Variants in DHX29 observed in about 807,000 individuals in gnomAD.
DHX29 encodes the protein DExH-box helicase 29, also known as ATP-dependent RNA helicase DHX29.
Under a neutral mutation model 167.9 loss-of-function variants are expected in DHX29, and 79 were observed. The ratio of observed to expected loss-of-function variants is 0.47; its 90% CI spans 0.39 to 0.57. DHX29 has a LOEUF of 0.57. Ranked by LOEUF, DHX29 falls within the 20% of genes least tolerant of loss-of-function variation. DHX29 has a pLI of 0.00. For synonymous variants in DHX29, 530 were observed against 546.0 expected (o/e 0.97, Z 0.41); for missense variants, 1,347 against 1,593.4 (o/e 0.85, Z 2.63).
At chr5:55,293,685 G>A (rs1216630091) in intron 6 of DHX29, among the ~76,000 whole-genome samples, 3 of 152,004 alleles carry the variant, frequency 2.0e-5, no homozygotes, top group Non-Finnish European at 2.9e-5. Flanking sequence ...ACCATATGAT[G>A]TCTATGTTTT....
Position 55,259,411 on chromosome 5 carries a change from CA to C in DHX29, c.4057+436del, listed in dbSNP as rs888047594. ...TGTGCTTTAGTATACTCCAATGTTA[CA>C]AAAAAAAATTTCTAGAATATTTCAG... On this transcript the variant is annotated intron_variant, in intron 26 of 26. Coordinates refer to ENST00000251636, the MANE Select transcript of DHX29 (RefSeq NM_019030.4). Among the ~76,000 whole-genome samples the C allele has an allele frequency of 1.4e-3, 212 of 151,392 alleles. 3 individuals carry two copies. In the Middle Eastern group the frequency reaches 0.024, roughly 17 times the overall value.
chr5:55,304,165 A>G (rs1056879344), intron 1 of DHX29, among the ~76,000 whole-genome samples: 4 of 152,174 alleles, frequency 2.6e-5, no homozygotes, highest in Non-Finnish European at 5.9e-5. Context: ...AGGACAGTAA[A>G]AGAAAGATGG....
At chr5:55,278,886 C>G (rs1459944428) in intron 12 of DHX29, among the ~76,000 whole-genome samples, 2 of 152,106 alleles carry the variant, frequency 1.3e-5, no homozygotes, top group Non-Finnish European at 2.9e-5. Flanking sequence ...AGAAATAAAG[C>G]TGGTAAGATA....
intron 2 of DHX29, 44 bp downstream of exon 2, chr5:55,298,547 G>A (rs770472700): frequency 6.7e-6 from 8 of 1,188,402 alleles, no homozygotes; most frequent in East Asian, 4.7e-5. Context: ...GGGGAAAAAA[G>A]GGGGAAACAT....
At position 55,256,297 on chromosome 5, in the gene DHX29, A is replaced by C. The variant is rs887310996; in HGVS notation, c.*191T>G. On this transcript the variant is annotated 3_prime_UTR_variant, in exon 27 of 27. Transcript: ENST00000251636. ...ATGTAGTGGCAAATACATTCAGAAT[A>C]ATCATCATTAAAAAGGAACTAGAAA... 2.1e-5 allele frequency: 9 copies of C among 426,488 alleles called. No homozygotes were observed. Among genetic ancestry groups the C allele is most frequent in the Non-Finnish European group, 3.7e-5 (9 of 241,068 alleles). 26.4% of individuals were successfully genotyped at this position (426,488 alleles called of 1,614,324 possible).
intron 24 of DHX29, 86 bp from the exon 25 acceptor site, chr5:55,261,585 C>T (rs1746319098): frequency 5.9e-6 from 5 of 843,190 alleles, no homozygotes; most frequent in Admixed American, 2.4e-5. Flanking sequence ...CATTTTTCTA[C>T]AATTTGTTAT....
In DHX29 at chr5:55,297,290, A is replaced by AT; in HGVS notation, c.369dup (p.Leu124IlefsTer14). On this transcript the variant is annotated frameshift_variant, in exon 3 of 27. Transcript: ENST00000251636. LOFTEE classifies it high-confidence loss of function. ...TTAAAAAGTTTGCAAAATACCTGCA[A>AT]TTTTTTGGCAGTAAGTCTTCCAGAA... 2 of 1,544,460 alleles carry AT rather than the reference A, an allele frequency of 1.3e-6. No individual in the cohort carries two copies. The highest frequency in any genetic ancestry group is 1.8e-6 in the Non-Finnish European group (2 of 1,120,706).
rs1746744496 is a variant in DHX29 at position 55,269,469 on chromosome 5, C to T, written c.3238G>A (p.Val1080Ile). Residue 1080 changes from valine (V) to isoleucine (I), a missense_variant, in exon 21 of 27, where the codon GTC (valine) becomes ATC (isoleucine). Coordinates refer to ENST00000251636, the MANE Select transcript of DHX29 (RefSeq NM_019030.4). Reference sequence around the variant, plus strand: ...AAAATAAGCATCTTGCCAATCTTGACATTCACAGGTAAAGCTGCAAGGTGT... The same window carrying T: ...AAAATAAGCATCTTGCCAATCTTGATATTCACAGGTAAAGCTGCAAGGTGT... ...GQHLAALPVN[V>I]KIGKMLIFGA... 1 of 1,613,866 alleles carries T rather than the reference C, an allele frequency of 6.2e-7. No homozygotes were observed. The highest frequency in any genetic ancestry group is 8.5e-7 in the Non-Finnish European group (1 of 1,180,016).
At chr5:55,303,578 C>T (rs915722574) in intron 1 of DHX29, among the ~76,000 whole-genome samples, 2 of 152,124 alleles carry the variant, frequency 1.3e-5, no homozygotes, top group Non-Finnish European at 2.9e-5. Context: ...ATACCAACAC[C>T]GGCCCCCACT....
chr5:55,269,392 C>T, intron 21 of DHX29, 21 bp downstream of exon 21: 1 of 1,602,766 alleles, frequency 6.2e-7, no homozygotes, highest in Non-Finnish European at 8.5e-7. Flanking sequence ...AGTAAAGAAG[C>T]AGCAGCATTG....
At chr5:55,270,909 A>T (rs957351987) in intron 18 of DHX29, among the ~76,000 whole-genome samples, 1 of 152,244 alleles carries the variant, frequency 6.6e-6, no homozygotes, top group Non-Finnish European at 1.5e-5. Flanking sequence ...AAAGTCTGGC[A>T]AAAGAAAAAA....
rs1561147579 is a variant in DHX29, at chr5:55,276,387, A to AT, written c.2305dup (p.Ile769AsnfsTer29). The AT allele has an allele frequency of 6.3e-7, 1 of 1,591,440 alleles. No homozygotes were observed. The highest frequency in any genetic ancestry group is 8.5e-7 in the Non-Finnish European group (1 of 1,173,360). On this transcript the variant is annotated frameshift_variant, in exon 14 of 27. Transcript: ENST00000251636. LOFTEE classifies it high-confidence loss of function. ...CAGTACAAAGCCTGTTTCTTCTATT[A>AT]TATCTTCAAGATGAAAAACCTGCAT... is the stretch of plus-strand genomic sequence containing the variant.
chr5:55,273,000 G>T (rs957175913), intron 17 of DHX29, among the ~76,000 whole-genome samples: 4 of 151,668 alleles, frequency 2.6e-5, no homozygotes, highest in Non-Finnish European at 4.4e-5. Flanking sequence ...ATGCCTTCTT[G>T]GGAAAAAGTT....
intron 1 of DHX29, among the ~76,000 whole-genome samples, chr5:55,306,426 C>T (rs544677712): frequency 2.6e-5 from 4 of 152,166 alleles, no homozygotes; most frequent in African/African-American, 9.7e-5. Flanking sequence ...CAGACACCAT[C>T]CATGATACCT....
Position 55,262,574 on chromosome 5 carries a change from T to C in DHX29, c.3828+56A>G, listed in dbSNP as rs1746359683. 7.0e-6 allele frequency: 11 copies of C among 1,572,542 alleles called. No homozygotes were observed. The South Asian group carries it at 1.2e-4, about 17-fold the overall frequency. ...CCTGTTAGGGCATCCTAACTTGTTA[T>C]GAATGACTTGCAGAATAATGCTCTG... On this transcript the variant is annotated intron_variant, in intron 24 of 26. Transcript: ENST00000251636.
intron 3 of DHX29, among the ~76,000 whole-genome samples, chr5:55,296,894 AGACCCTGTT>A (rs1748353918): frequency 6.6e-6 from 1 of 152,200 alleles, no homozygotes; most frequent in Admixed American, 6.5e-5. Context: ...GTTCAAATCC[AGACCCTGTT>A]TACTAGTAAC....
intron 16 of DHX29, among the ~76,000 whole-genome samples, chr5:55,274,074 A>G: frequency 6.6e-6 from 1 of 150,440 alleles, no homozygotes; most frequent in Admixed American, 6.6e-5. Context: ...CCGACAGAGC[A>G]AGACTCTGCC....
At chr5:55,287,173 G>A (rs911229616) in intron 8 of DHX29, among the ~76,000 whole-genome samples, 1 of 152,194 alleles carries the variant, frequency 6.6e-6, no homozygotes, top group African/African-American at 2.4e-5. Context: ...CAGGCATGGT[G>A]GGTCACACCG....
intron 23 of DHX29, among the ~76,000 whole-genome samples, chr5:55,266,288 G>A (rs1746563972): frequency 6.6e-6 from 1 of 150,464 alleles, no homozygotes; most frequent in East Asian, 2.0e-4. Flanking sequence ...GAGCCACTGC[G>A]CCCAGTCCTT....
Sources: gnomAD v4.1 joint callset for allele counts (sites outside exome capture counted in the v4.1 genomes callset) on GRCh38, gnomAD v4.1.1 for gene constraint, MANE v1.5 for transcripts, NCBI Gene and HGNC (gene_info 2026-07-23, HGNC 2026-07-21) for gene names.